CDH19: variants seen among roughly 807,000 people sequenced by gnomAD.
CDH19 encodes cadherin-19.
CDH19 carries 67 observed loss-of-function variants against 64.2 expected under a neutral mutation model. That is an observed-to-expected ratio of 1.04 (90% confidence interval 0.86 to 1.28). The LOEUF is 1.28. Among genes scored for constraint, CDH19 ranks in the 50% most tolerant of loss-of-function variants. The probability of loss-of-function intolerance (pLI) is 0.00; values close to 1 mark genes in which losing one functional copy is unlikely to be tolerated. For missense variants in CDH19, 1,030 were observed against 929.0 expected, an observed-to-expected ratio of 1.11 and a Z score of -1.41; for synonymous variants, 346 against 319.3, an observed-to-expected ratio of 1.08 and a Z score of -0.89.
chr18:66,543,862 G>T, intron 7 of CDH19, 109 bp downstream of exon 7: 1 of 792,116 alleles, frequency 1.3e-6, no homozygotes, highest in Non-Finnish European at 1.9e-6. Context: ...GAGCCTAGAA[G>T]ACAGAGTGAG....
At position 66,504,709 on chromosome 18, in the gene CDH19, C is replaced by T. The variant is rs1427965076; in HGVS notation, c.*103G>A. ...CAGGGAAATCAGAAAACTCCATAGA[C>T]TAGGGCTTTCCCCGCCATAGAGCCA... On this transcript the variant is annotated 3_prime_UTR_variant, in exon 12 of 12. Coordinates refer to ENST00000262150, the MANE Select transcript of CDH19 (RefSeq NM_021153.4). 1 of 1,232,856 alleles carries T rather than the reference C, an allele frequency of 8.1e-7. No homozygotes were observed. The highest frequency in any genetic ancestry group is 2.4e-5 in the East Asian group (1 of 42,034). 76.4% of individuals were successfully genotyped at this position (1,232,856 alleles called of 1,614,324 possible).
At chr18:66,575,621 T>C (rs1338523043) in intron 1 of CDH19, among the ~76,000 whole-genome samples, 1 of 151,792 alleles carries the variant, frequency 6.6e-6, no homozygotes, top group African/African-American at 2.4e-5. Context: ...GTATTCCTAA[T>C]CTTCAATAAA....
chr18:66,562,205 C>T (rs1312722225), intron 3 of CDH19, among the ~76,000 whole-genome samples: 3 of 151,602 alleles, frequency 2.0e-5, no homozygotes, highest in Non-Finnish European at 4.4e-5. Context: ...TCTACTATTA[C>T]TACATTGTAA....
At chr18:66,510,583 AAATAATAATAATAAT>A (rs58115682) in intron 10 of CDH19, among the ~76,000 whole-genome samples, 241 of 139,354 alleles carry the variant, frequency 1.7e-3, no homozygotes, top group African/African-American at 5.0e-3. Flanking sequence ...AGTCTGCAAC[AAATAATAATAATAAT>A]AATAATAATA....
In CDH19 at chr18:66,511,550, ATGAG is replaced by A; in HGVS notation, c.1576+14_1576+17del. Reference sequence around the variant, plus strand: ...TCACAAAAATGTATCAAAACTCATTATGAGTGAATGACATTACCTTGATTATCTA... The same window carrying A: ...TCACAAAAATGTATCAAAACTCATTATGAATGACATTACCTTGATTATCTA... On this transcript the variant is annotated intron_variant, in intron 10 of 11. Transcript: ENST00000262150. 9.9e-7 allele frequency: 1 copy of A among 1,012,474 alleles called. No individual in the cohort carries two copies. 62.7% of individuals were successfully genotyped at this position (1,012,474 alleles called of 1,614,324 possible).
rs937343414 is a variant in CDH19 at position 66,528,184 on chromosome 18, T to C, written c.1458+1661A>G. Among the ~76,000 whole-genome samples, 4 of 152,130 alleles carry C rather than the reference T, an allele frequency of 2.6e-5. No homozygotes were observed. The East Asian group carries it at 7.7e-4, about 29-fold the overall frequency. On this transcript the variant is annotated intron_variant, in intron 9 of 11. Coordinates refer to ENST00000262150, the MANE Select transcript of CDH19 (RefSeq NM_021153.4). ...ATTTAAAAGTTGCTTGTTATATTTGTCAATGTGTCTAAGTAATCAGATGTG... is the reference window on the plus strand; with the variant it reads ...ATTTAAAAGTTGCTTGTTATATTTGCCAATGTGTCTAAGTAATCAGATGTG...
At chr18:66,558,596 C>T (rs1427397505) in intron 3 of CDH19, among the ~76,000 whole-genome samples, 1 of 151,828 alleles carries the variant, frequency 6.6e-6, no homozygotes, top group African/African-American at 2.4e-5. Context: ...ATATTTAACA[C>T]AATTGTAAAT....
chr18:66,587,611 A>G (rs1313941563), intron 1 of CDH19, among the ~76,000 whole-genome samples: 1 of 152,134 alleles, frequency 6.6e-6, no homozygotes, highest in East Asian at 1.9e-4. Context: ...AGTAAAAGTG[A>G]TGTACACCAT....
chr18:66,513,825 A>C (rs552679), intron 9 of CDH19, among the ~76,000 whole-genome samples: 34,806 of 151,182 alleles, frequency 0.23, 4,437 homozygotes, highest in East Asian at 0.46. Flanking sequence ...AATAACTCCA[A>C]ATTATGACCA....
chr18:66,576,612 G>C (rs920450964), intron 1 of CDH19, among the ~76,000 whole-genome samples: 1 of 151,306 alleles, frequency 6.6e-6, no homozygotes, highest in Non-Finnish European at 1.5e-5. Context: ...TAATAACAAT[G>C]CCTCAAAATA....
At position 66,572,312 on chromosome 18, in the gene CDH19, T is replaced by A. The variant is rs1289377238; in HGVS notation, c.-108A>T. 11 of 753,858 alleles carry A rather than the reference T, an allele frequency of 1.5e-5. No homozygotes were observed. Among genetic ancestry groups the A allele is most frequent in the Admixed American group, 2.8e-5 (1 of 36,006 alleles). 46.7% of individuals were successfully genotyped at this position (753,858 alleles called of 1,614,324 possible). On this transcript the variant is annotated 5_prime_UTR_variant, in exon 2 of 12. Coordinates refer to ENST00000262150, the MANE Select transcript of CDH19 (RefSeq NM_021153.4). ...CTTTTCTGATTCTGTGTACCTTCTA[T>A]ATACCTAAAGCGTCAGAAACAAAAC...
intron 1 of CDH19, among the ~76,000 whole-genome samples, chr18:66,579,229 G>T (rs960263058): frequency 6.6e-6 from 1 of 151,960 alleles, no homozygotes; most frequent in East Asian, 1.9e-4. Context: ...ACAGATAATA[G>T]ATGTTTCTGA....
chr18:66,505,422 A>G, intron 11 of CDH19, 120 bp from the exon 12 acceptor site: 1 of 774,186 alleles, frequency 1.3e-6, no homozygotes, highest in African/African-American at 1.8e-5. Context: ...TAAAACAAAA[A>G]GATACATTTG....
Position 66,511,630 on chromosome 18 carries a change from A to C in CDH19, c.1514T>G (p.Phe505Cys). ...DRDESIEEHH[F>C]YFNLSVEDTN... ...GTCTTCTACAGATAGATTAAAGTAA[A>C]AATGGTGCTCTTCTATGGATTCATC... The change falls in exon 10 of 12, where the codon TTT becomes TGT. Residue 505 changes from phenylalanine to cysteine, a missense_variant. Coordinates refer to ENST00000262150, the MANE Select transcript of CDH19 (RefSeq NM_021153.4). 6.3e-7 allele frequency: 1 copy of C among 1,579,582 alleles called. No individual in the cohort carries two copies. Among genetic ancestry groups the C allele is most frequent in the Non-Finnish European group, 8.7e-7 (1 of 1,149,874 alleles).
chr18:66,601,055 T>C (rs1217126037), intron 1 of CDH19, among the ~76,000 whole-genome samples: 1 of 151,866 alleles, frequency 6.6e-6, no homozygotes, highest in East Asian at 1.9e-4. Flanking sequence ...TAGTGACAAA[T>C]GACACTACTC....
intron 1 of CDH19, among the ~76,000 whole-genome samples, chr18:66,573,098 T>C (rs537479998): frequency 1.3e-5 from 2 of 151,786 alleles, no homozygotes; most frequent in East Asian, 3.9e-4. Context: ...AACTTTCCAT[T>C]GACCCAAGGC....
intron 1 of CDH19, among the ~76,000 whole-genome samples, chr18:66,586,426 T>C (rs1323113992): frequency 6.6e-6 from 1 of 152,082 alleles, no homozygotes; most frequent in Non-Finnish European, 1.5e-5. Context: ...CTATAAAGCC[T>C]TCGTGTGAAA....
chr18:66,511,529 A>C (rs1985484246), intron 10 of CDH19, 39 bp downstream of exon 10: 1 of 876,664 alleles, frequency 1.1e-6, no homozygotes, highest in East Asian at 2.5e-5. Flanking sequence ...CATGAGTCAC[A>C]AAAATGTATC....
At chr18:66,602,553 C>T (rs1405842171) in intron 1 of CDH19, among the ~76,000 whole-genome samples, 2 of 151,768 alleles carry the variant, frequency 1.3e-5, no homozygotes, top group South Asian at 2.1e-4. Context: ...ATATGCTTTT[C>T]GATATATGCA....
Sources: gnomAD v4.1 joint callset for allele counts (sites outside exome capture counted in the v4.1 genomes callset) on GRCh38, gnomAD v4.1.1 for gene constraint, MANE v1.5 for transcripts, NCBI Gene and HGNC (gene_info 2026-07-23, HGNC 2026-07-21) for gene names.